CENPW: variants seen among roughly 807,000 people sequenced by gnomAD.
CENPW encodes cancer-up-regulated gene 2 protein.
CENPW carries 3 observed loss-of-function variants against 11.1 expected under a neutral mutation model. That is an observed-to-expected ratio of 0.27 (90% CI 0.12 to 0.70). The LOEUF (loss-of-function observed/expected upper bound fraction) is 0.70, where lower values mean the gene tolerates loss of function less well. Ranked by LOEUF, CENPW falls within the 30% of genes least tolerant of loss-of-function variation. CENPW has a pLI of 0.77. For missense variants in CENPW, 100 were observed against 105.6 expected (o/e 0.95, Z 0.23); for synonymous variants, 38 against 42.0 (o/e 0.91, Z 0.37).
chr6:126,472,524 T>C, the CENPW span, among the ~76,000 whole-genome samples: 2 of 152,228 alleles, frequency 1.3e-5, no homozygotes, highest in East Asian at 3.8e-4. Flanking sequence ...AGCTTTCCAT[T>C]GCATAGAAAT....
the CENPW span, among the ~76,000 whole-genome samples, chr6:126,411,923 T>G: frequency 2.6e-5 from 1 of 37,948 alleles, no homozygotes; most frequent in East Asian, 8.4e-4. Flanking sequence ...TCCCCCTCCC[T>G]CCTTTCTTCT....
At chr6:126,369,558 G>C in the CENPW span, among the ~76,000 whole-genome samples, 5 of 152,100 alleles carry the variant, frequency 3.3e-5, no homozygotes, top group Non-Finnish European at 7.4e-5. Context: ...TCATATGTTT[G>C]TTGGCCATTT....
the CENPW span, among the ~76,000 whole-genome samples, chr6:126,427,677 T>C: frequency 6.6e-6 from 1 of 152,252 alleles, no homozygotes; most frequent in Non-Finnish European, 1.5e-5. Flanking sequence ...GAATGAGTGC[T>C]ACCATTTTTG....
At chr6:126,425,536 C>T in the CENPW span, among the ~76,000 whole-genome samples, 1 of 151,846 alleles carries the variant, frequency 6.6e-6, no homozygotes, top group East Asian at 1.9e-4. Context: ...ACTCTTTTGG[C>T]CAAAGACTCT....
chr6:126,401,276 G>C, the CENPW span, among the ~76,000 whole-genome samples: 1 of 152,042 alleles, frequency 6.6e-6, no homozygotes, highest in Non-Finnish European at 1.5e-5. Context: ...GTACAGGCTG[G>C]TTTGCCAGAG....
chr6:126,401,631 C>G, the CENPW span, among the ~76,000 whole-genome samples: 2 of 151,754 alleles, frequency 1.3e-5, no homozygotes, highest in African/African-American at 4.8e-5. Context: ...GGGTTGTTGC[C>G]CTTCTCTCAG....
At position 126,340,177 on chromosome 6, in the gene CENPW, C is replaced by G; in HGVS notation, c.-97C>G. The G allele has an allele frequency of 8.8e-7, 1 of 1,141,304 alleles. No homozygotes were observed. The allele number at this position is 1,141,304 out of a possible 1,614,324, so 70.7% of individuals were successfully genotyped here. ...TTTTTCTGCCTGAAGAAGCGTCATA[C>G]GGACCGGATTGTTTTCGCTGGCCCA... On this transcript the variant is annotated 5_prime_UTR_variant, in exon 1 of 3. Coordinates refer to ENST00000368328, the MANE Select transcript of CENPW (RefSeq NM_001012507.4).
At chr6:126,468,228 C>T in the CENPW span, among the ~76,000 whole-genome samples, 2 of 151,774 alleles carry the variant, frequency 1.3e-5, no homozygotes, top group African/African-American at 4.8e-5. Flanking sequence ...TGAGACCAGC[C>T]TGACCAACAT....
chr6:126,472,558 T>C, the CENPW span, among the ~76,000 whole-genome samples: 1 of 152,340 alleles, frequency 6.6e-6, no homozygotes, highest in South Asian at 2.1e-4. Context: ...TATCCATTCA[T>C]GTGTTGAGGG....
the CENPW span, among the ~76,000 whole-genome samples, chr6:126,398,698 G>A: frequency 6.6e-6 from 1 of 152,102 alleles, no homozygotes; most frequent in African/African-American, 2.4e-5. Flanking sequence ...GGATACATGT[G>A]GAGATTTGTT....
chr6:126,475,450 A>G, the CENPW span, among the ~76,000 whole-genome samples: 1 of 152,104 alleles, frequency 6.6e-6, no homozygotes, highest in African/African-American at 2.4e-5. Flanking sequence ...ATGAAAGGTT[A>G]TATGAATTTG....
At chr6:126,468,246 C>A in the CENPW span, among the ~76,000 whole-genome samples, 1 of 151,514 alleles carries the variant, frequency 6.6e-6, no homozygotes, top group Non-Finnish European at 1.5e-5. Context: ...CATGGAGAAA[C>A]CCCATCTCTA....
the CENPW span, among the ~76,000 whole-genome samples, chr6:126,403,938 C>T: frequency 6.6e-6 from 1 of 152,064 alleles, no homozygotes; most frequent in African/African-American, 2.4e-5. Context: ...ACTGACTCTT[C>T]TGTTGAGGCT....
chr6:126,404,134 A>G, the CENPW span, among the ~76,000 whole-genome samples: 1 of 152,116 alleles, frequency 6.6e-6, no homozygotes, highest in Non-Finnish European at 1.5e-5. Flanking sequence ...GTTGAGACCT[A>G]CTGCACAGAA....
chr6:126,344,078 A>G (rs1780363567), intron 1 of CENPW, among the ~76,000 whole-genome samples: 2 of 147,036 alleles, frequency 1.4e-5, no homozygotes, highest in Admixed American at 6.9e-5. Flanking sequence ...TCTTCATGCA[A>G]TAATAATTAT....
At chr6:126,441,118 G>C in the CENPW span, among the ~76,000 whole-genome samples, 21 of 151,532 alleles carry the variant, frequency 1.4e-4, no homozygotes, top group South Asian at 8.3e-4. Flanking sequence ...GCAGGTGGAA[G>C]TGAGCAGTAG....
chr6:126,350,672 G>C (rs926432324), downstream of CENPW, among the ~76,000 whole-genome samples: 1 of 152,080 alleles, frequency 6.6e-6, no homozygotes, highest in South Asian at 2.1e-4. Context: ...TGAGATATAA[G>C]GGAAAGAATA....
At chr6:126,352,927 A>AT (rs1472462207), downstream of CENPW, among the ~76,000 whole-genome samples, 1 of 152,054 alleles carries the variant, frequency 6.6e-6, no homozygotes, top group Non-Finnish European at 1.5e-5. Context: ...TATACTAGGA[A>AT]TTATAACATG....
the CENPW span, among the ~76,000 whole-genome samples, chr6:126,354,234 T>G: frequency 2.0e-5 from 3 of 152,130 alleles, no homozygotes; most frequent in Non-Finnish European, 4.4e-5. Context: ...ATGTAATTAG[T>G]GACTGTACTA....
Sources: allele counts gnomAD v4.1 joint callset (sites outside exome capture counted in the v4.1 genomes callset), GRCh38; gene constraint gnomAD v4.1.1; transcripts MANE v1.5; gene names NCBI Gene and HGNC (gene_info 2026-07-23, HGNC 2026-07-21).